Variants in SERINC5 observed in about 807,000 individuals in gnomAD.
SERINC5 encodes the protein chromosome 5 open reading frame 12.
A neutral mutation model predicts 63.1 loss-of-function variants in SERINC5; 41 were observed. That is an observed-to-expected ratio of 0.65 (90% CI 0.51 to 0.84). SERINC5 has a LOEUF of 0.84. Ranked by LOEUF, SERINC5 falls within the 40% of genes least tolerant of loss-of-function variation. The probability of loss-of-function intolerance (pLI) is 0.00; values close to 1 mark genes in which losing one functional copy is unlikely to be tolerated. For missense variants in SERINC5, 523 were observed against 573.0 expected, an observed-to-expected ratio of 0.91 and a Z score of 0.89; for synonymous variants, 222 against 215.2, an observed-to-expected ratio of 1.03 and a Z score of -0.28.
chr5:80,149,224 G>T (rs1746015803), intron 9 of SERINC5, among the ~76,000 whole-genome samples: 1 of 152,164 alleles, frequency 6.6e-6, no homozygotes, highest in African/African-American at 2.4e-5. Context: ...TAGGGACATT[G>T]AAACCATAAC....
chr5:80,231,820 G>A (rs1751450287), intron 1 of SERINC5, among the ~76,000 whole-genome samples: 2 of 152,254 alleles, frequency 1.3e-5, no homozygotes. Flanking sequence ...ATTAAGAATG[G>A]CCAGGTGCAG....
chr5:80,252,705 T>A (rs1444508821), intron 1 of SERINC5, among the ~76,000 whole-genome samples: 5 of 152,208 alleles, frequency 3.3e-5, no homozygotes, highest in Admixed American at 2.6e-4. Flanking sequence ...TTTACACTTA[T>A]CATCACATGT....
chr5:80,111,371 G>A (rs1048638191), downstream of SERINC5, among the ~76,000 whole-genome samples: 2 of 152,162 alleles, frequency 1.3e-5, no homozygotes, highest in African/African-American at 4.8e-5. Flanking sequence ...TCTTACAGAA[G>A]TAAAACAGGC....
intron 1 of SERINC5, among the ~76,000 whole-genome samples, chr5:80,204,855 A>G (rs1750071717): frequency 1.3e-5 from 2 of 152,190 alleles, no homozygotes; most frequent in Non-Finnish European, 2.9e-5. Context: ...TACAAATAAG[A>G]GTTGCCTGGG....
intron 2 of SERINC5, among the ~76,000 whole-genome samples, chr5:80,185,422 C>T (rs926140778): frequency 6.6e-6 from 1 of 152,176 alleles, no homozygotes; most frequent in African/African-American, 2.4e-5. Context: ...CAGATAACAC[C>T]TGTGAAGTGC....
intron 8 of SERINC5, among the ~76,000 whole-genome samples, chr5:80,152,136 C>G (rs991612989): frequency 1.3e-5 from 2 of 152,212 alleles, no homozygotes; most frequent in African/African-American, 2.4e-5. Flanking sequence ...GACTGTGTGC[C>G]TGGTCAGAGG....
rs548549306 is a variant in SERINC5 at position 80,117,779 on chromosome 5, T to C, written c.1239-4154A>G. Among the ~76,000 whole-genome samples, 14 of 152,130 alleles carry C rather than the reference T, an allele frequency of 9.2e-5. No homozygotes were observed. The East Asian group carries it at 2.7e-3, about 29-fold the overall frequency. ...CCTCCAAAGGATCTAGGGGGTGATC[T>C]ATTACTTACTTCTTCCAGCTTTGGG... On this transcript the variant is annotated intron_variant, in intron 11 of 12. Transcript: ENST00000509193.
chr5:80,244,372 G>A (rs2112599047), intron 1 of SERINC5, among the ~76,000 whole-genome samples: 1 of 151,840 alleles, frequency 6.6e-6, no homozygotes, highest in Non-Finnish European at 1.5e-5. Flanking sequence ...TCTGCCACCA[G>A]GCCTGGCTAA....
chr5:80,235,885 T>C (rs1396293122), intron 1 of SERINC5, among the ~76,000 whole-genome samples: 2 of 152,260 alleles, frequency 1.3e-5, no homozygotes, highest in African/African-American at 2.4e-5. Context: ...TCTGTTGATT[T>C]ATAAGAACAC....
chr5:80,229,561 T>C (rs1239494231), intron 1 of SERINC5, among the ~76,000 whole-genome samples: 1 of 152,084 alleles, frequency 6.6e-6, no homozygotes, highest in Non-Finnish European at 1.5e-5. Flanking sequence ...TGCTCCTTAA[T>C]GTAGGGAGAA....
intron 1 of SERINC5, among the ~76,000 whole-genome samples, chr5:80,212,019 G>C (rs1561430388): frequency 6.6e-6 from 1 of 152,120 alleles, no homozygotes; most frequent in Non-Finnish European, 1.5e-5. Context: ...GCTCCTCAAC[G>C]GGGCTGGACA....
rs1002298741 is a variant in SERINC5, at chr5:80,143,507, A to G, written c.*156T>C. Reference sequence around the variant, plus strand: ...TGGTAGTTTCTTTTTGAATTTCAAAAGTAAAAAGCTAATCAGGAGATTTTT... The same window carrying G: ...TGGTAGTTTCTTTTTGAATTTCAAAGGTAAAAAGCTAATCAGGAGATTTTT... On this transcript the variant is annotated 3_prime_UTR_variant, in exon 12 of 12. Coordinates refer to ENST00000507668, the MANE Select transcript of SERINC5 (RefSeq NM_001174072.3). 4.4e-6 allele frequency: 6 copies of G among 1,356,634 alleles called. No homozygotes were observed. The Admixed American group carries it at 2.0e-4, about 45-fold the overall frequency. 84.0% of individuals were successfully genotyped at this position (1,356,634 alleles called of 1,614,324 possible).
At chr5:80,239,087 A>G (rs1751838440) in intron 1 of SERINC5, among the ~76,000 whole-genome samples, 1 of 152,172 alleles carries the variant, frequency 6.6e-6, no homozygotes. Context: ...CCTGAAAAAA[A>G]CTTATTAGGT....
chr5:80,157,124 G>A (rs1580079130), intron 8 of SERINC5: 2 of 151,072 alleles, frequency 1.3e-5, no homozygotes, highest in Admixed American at 1.3e-4. Context: ...TCCGGAGTAG[G>A]TGGGATTACA....
chr5:80,207,804 G>A (rs188648392), intron 1 of SERINC5, among the ~76,000 whole-genome samples: 3 of 152,264 alleles, frequency 2.0e-5, no homozygotes, highest in South Asian at 2.1e-4. Flanking sequence ...ATTAAGGTTC[G>A]AGCACATTAT....
intron 8 of SERINC5, among the ~76,000 whole-genome samples, chr5:80,155,214 A>G (rs1276155218): frequency 6.6e-6 from 1 of 152,248 alleles, no homozygotes; most frequent in Non-Finnish European, 1.5e-5. Flanking sequence ...CGTGGAGGCC[A>G]GGATTTGTCA....
chr5:80,183,579 T>C (rs1384330540), intron 2 of SERINC5, among the ~76,000 whole-genome samples: 2 of 151,818 alleles, frequency 1.3e-5, no homozygotes, highest in Non-Finnish European at 1.5e-5. Context: ...AAGGCCCTGC[T>C]CTGCCTTAAC....
chr5:80,237,709 T>G (rs1166018619), intron 1 of SERINC5, among the ~76,000 whole-genome samples: 1 of 151,564 alleles, frequency 6.6e-6, no homozygotes, highest in Non-Finnish European at 1.5e-5. Context: ...TGAGCATTGG[T>G]GTTCCTCTCA....
At position 80,143,532 on chromosome 5, in the gene SERINC5, T is replaced by C; in HGVS notation, c.*131A>G. 3.6e-6 allele frequency: 5 copies of C among 1,370,762 alleles called. No homozygotes were observed. Among genetic ancestry groups the C allele is most frequent in the Non-Finnish European group, 4.7e-6 (5 of 1,064,594 alleles). 84.9% of individuals were successfully genotyped at this position (1,370,762 alleles called of 1,614,324 possible). ...AGTAAAAAGCTAATCAGGAGATTTT[T>C]TTTTTTCTCTCTCAAAGCTTTTTCA... On this transcript the variant is annotated 3_prime_UTR_variant, in exon 12 of 12. Coordinates refer to ENST00000507668, the MANE Select transcript of SERINC5 (RefSeq NM_001174072.3).
Sources: allele counts gnomAD v4.1 joint callset (sites outside exome capture counted in the v4.1 genomes callset), GRCh38; gene constraint gnomAD v4.1.1; transcripts MANE v1.5; gene names NCBI Gene and HGNC (gene_info 2026-07-23, HGNC 2026-07-21).